Variants in PCCA observed in about 807,000 individuals in gnomAD.
PCCA encodes the protein propionyl-CoA carboxylase subunit alpha.
A neutral mutation model predicts 101.3 loss-of-function variants in PCCA; 74 were observed. The ratio of observed to expected loss-of-function variants is 0.73; its 90% CI spans 0.61 to 0.89. The LOEUF is 0.89. Ranked by LOEUF, PCCA falls within the 40% of genes least tolerant of loss-of-function variation. The pLI is 0.00. For missense variants in PCCA, 891 were observed against 907.0 expected, an observed-to-expected ratio of 0.98 and a Z score of 0.23; for synonymous variants, 294 against 313.6, an observed-to-expected ratio of 0.94 and a Z score of 0.66.
At chr13:100,511,780 G>T (rs922117162) in intron 21 of PCCA, among the ~76,000 whole-genome samples, 1 of 152,306 alleles carries the variant, frequency 6.6e-6, no homozygotes, top group Non-Finnish European at 1.5e-5. Flanking sequence ...CAGACCTCGG[G>T]ATCATTGCAA....
At chr13:100,293,848 T>C (rs948813054) in intron 12 of PCCA, among the ~76,000 whole-genome samples, 1 of 152,216 alleles carries the variant, frequency 6.6e-6, no homozygotes, top group African/African-American at 2.4e-5. Context: ...TACAGATATG[T>C]ATAGATAAGC....
At chr13:100,143,592 G>T (rs1291591110) in intron 4 of PCCA, among the ~76,000 whole-genome samples, 2 of 151,186 alleles carry the variant, frequency 1.3e-5, no homozygotes, top group African/African-American at 4.9e-5. Context: ...ATTAGTCTTG[G>T]ATGAATAGGA....
At chr13:100,191,372 C>T (rs1263646040) in intron 6 of PCCA, among the ~76,000 whole-genome samples, 2 of 152,178 alleles carry the variant, frequency 1.3e-5, no homozygotes, top group East Asian at 1.9e-4. Flanking sequence ...TGGGAGGCCT[C>T]AGCAGCCAAT....
chr13:100,157,251 A>G (rs754458922), intron 5 of PCCA, 36 bp from the exon 6 acceptor site: 6 of 1,484,422 alleles, frequency 4.0e-6, no homozygotes, highest in Admixed American at 1.7e-5. Context: ...TTGCAATATG[A>G]TAAAATTGAA....
Position 100,213,057 on chromosome 13 carries a change from G to C in PCCA, c.600+3594G>C, listed in dbSNP as rs1299010898. On this transcript the variant is annotated intron_variant, in intron 7 of 23. Coordinates refer to ENST00000376285, the MANE Select transcript of PCCA (RefSeq NM_000282.4). ...TCCAGTTCCATCTATGTTGTTGCAA[G>C]TGACAGGACCTCATTCTTTTTGGTG... 2.0e-5 allele frequency among the ~76,000 whole-genome samples: 3 copies of C among 152,082 alleles called. No homozygotes were observed. In the East Asian group the frequency reaches 5.8e-4, roughly 29 times the overall value.
intron 18 of PCCA, among the ~76,000 whole-genome samples, chr13:100,346,245 A>G (rs1288319488): frequency 6.6e-6 from 1 of 152,246 alleles, no homozygotes; most frequent in Non-Finnish European, 1.5e-5. Flanking sequence ...CTTTCTGGGA[A>G]GGATTCACCA....
At chr13:100,410,825 G>GT (rs993122316) in intron 19 of PCCA, among the ~76,000 whole-genome samples, 12 of 151,330 alleles carry the variant, frequency 7.9e-5, no homozygotes, top group African/African-American at 2.2e-4. Flanking sequence ...TCGGTTGACT[G>GT]TTTTTTTTGT....
chr13:100,459,009 G>C (rs954033280), intron 21 of PCCA, among the ~76,000 whole-genome samples: 2 of 152,108 alleles, frequency 1.3e-5, no homozygotes, highest in Admixed American at 6.5e-5. Context: ...CCTCCCTAGA[G>C]GCTCTTAGGG....
chr13:100,520,634 CAAAA>C (rs374566196), intron 22 of PCCA, among the ~76,000 whole-genome samples: 5 of 68,260 alleles, frequency 7.3e-5, no homozygotes, highest in African/African-American at 2.4e-4. Flanking sequence ...GACTCCGTCT[CAAAA>C]AAAAAAAAAA....
intron 20 of PCCA, 107 bp downstream of exon 20, chr13:100,425,838 T>C (rs555092267): frequency 1.3e-6 from 1 of 772,586 alleles, no homozygotes; most frequent in African/African-American, 1.7e-5. Flanking sequence ...CTGTATTTTA[T>C]TCACCTTATA....
intron 8 of PCCA, among the ~76,000 whole-genome samples, chr13:100,245,756 C>T (rs1433399262): frequency 6.6e-6 from 1 of 152,200 alleles, no homozygotes; most frequent in Admixed American, 6.5e-5. Context: ...ATCTACTTCT[C>T]TGCATTTCTG....
chr13:100,342,571 C>T (rs900894092), intron 18 of PCCA, among the ~76,000 whole-genome samples: 1 of 151,684 alleles, frequency 6.6e-6, no homozygotes, highest in African/African-American at 2.4e-5. Context: ...CCCAGCCTTA[C>T]CTGTACAGTT....
intron 21 of PCCA, among the ~76,000 whole-genome samples, chr13:100,456,971 A>G (rs1303731232): frequency 2.0e-5 from 3 of 152,028 alleles, no homozygotes; most frequent in Non-Finnish European, 4.4e-5. Flanking sequence ...CTGCTAAGTA[A>G]TGGGTGTCTT....
chr13:100,214,398 G>A (rs1037921265), intron 7 of PCCA, among the ~76,000 whole-genome samples: 1 of 150,600 alleles, frequency 6.6e-6, no homozygotes, highest in Non-Finnish European at 1.5e-5. Context: ...TCGCATCAAC[G>A]TTTTATAGTT....
chr13:100,448,010 T>C (rs1300129643), intron 20 of PCCA, among the ~76,000 whole-genome samples: 1 of 152,212 alleles, frequency 6.6e-6, no homozygotes, highest in Non-Finnish European at 1.5e-5. Flanking sequence ...GCTCATGGCA[T>C]GTAGTTGAGT....
chr13:100,501,030 T>A (rs1255998990), intron 21 of PCCA, among the ~76,000 whole-genome samples: 3 of 152,048 alleles, frequency 2.0e-5, no homozygotes, highest in African/African-American at 4.8e-5. Context: ...TAGTCCCAGC[T>A]ACTCGGGAGG....
intron 1 of PCCA, among the ~76,000 whole-genome samples, chr13:100,098,836 A>G (rs965946246): frequency 6.6e-6 from 1 of 152,182 alleles, no homozygotes; most frequent in African/African-American, 2.4e-5. Context: ...GAAGATTGGA[A>G]TGGTCTCTAA....
intron 20 of PCCA, among the ~76,000 whole-genome samples, chr13:100,432,976 C>T (rs2152904091): frequency 6.6e-6 from 1 of 152,322 alleles, no homozygotes; most frequent in South Asian, 2.1e-4. Context: ...GGATGTCTTT[C>T]CTTTTTATGG....
chr13:100,382,692 A>AT (rs1416312099), intron 19 of PCCA, among the ~76,000 whole-genome samples: 1 of 152,202 alleles, frequency 6.6e-6, no homozygotes, highest in Non-Finnish European at 1.5e-5. Flanking sequence ...TTGGTCTACT[A>AT]TTTTTACTTC....
Sources: gnomAD v4.1 joint callset for allele counts (sites outside exome capture counted in the v4.1 genomes callset) on GRCh38, gnomAD v4.1.1 for gene constraint, MANE v1.5 for transcripts, NCBI Gene and HGNC (gene_info 2026-07-23, HGNC 2026-07-21) for gene names.